The following B3GAT2 variants were observed in gnomAD, a reference collection of about 807,000 sequenced individuals.
B3GAT2 encodes the protein galactosylgalactosylxylosylprotein 3-beta-glucuronosyltransferase 2.
Under a neutral mutation model 27.8 loss-of-function variants are expected in B3GAT2, and 26 were observed. That is an observed-to-expected ratio of 0.93 (90% CI 0.68 to 1.30). B3GAT2 has a LOEUF of 1.30. Among genes scored for constraint, B3GAT2 ranks in the 50% most tolerant of loss-of-function variants. The pLI is 0.00. For missense variants in B3GAT2, 458 were observed against 459.0 expected (o/e 1.00, Z 0.02); for synonymous variants, 218 against 195.1 (o/e 1.12, Z -0.98).
chr6:70,956,651 G>A lies in B3GAT2; in HGVS notation c.-222C>T. 2 of 1,401,180 alleles carry A rather than the reference G, an allele frequency of 1.4e-6. No individual in the cohort carries two copies. The highest frequency in any genetic ancestry group is 1.8e-6 in the Non-Finnish European group (2 of 1,081,834). 86.8% of individuals were successfully genotyped at this position (1,401,180 alleles called of 1,614,324 possible). On this transcript the variant is annotated 5_prime_UTR_variant, in exon 1 of 4. Coordinates refer to ENST00000230053, the MANE Select transcript of B3GAT2 (RefSeq NM_080742.3). ...CTAGAGCGACAAGGGGTGCAGGCGG[G>A]CGGGCAGGGGCTGCCCCCGACTCCA...
chr6:70,920,650 T>C (rs192450866), intron 1 of B3GAT2, among the ~76,000 whole-genome samples: 25 of 152,348 alleles, frequency 1.6e-4, no homozygotes, highest in East Asian at 3.9e-4. Flanking sequence ...ATAATACTTA[T>C]ATGTGTTGAT....
intron 1 of B3GAT2, among the ~76,000 whole-genome samples, chr6:70,921,293 G>A (rs1016784009): frequency 6.6e-6 from 1 of 151,842 alleles, no homozygotes; most frequent in African/African-American, 2.4e-5. Context: ...TTAATTATTT[G>A]TTCATTATTT....
At chr6:70,918,267 A>G (rs1772808126) in intron 1 of B3GAT2, among the ~76,000 whole-genome samples, 1 of 152,044 alleles carries the variant, frequency 6.6e-6, no homozygotes, top group African/African-American at 2.4e-5. Context: ...ATCTTCTTCC[A>G]TCACTTTATT....
chr6:70,948,564 G>T (rs1409726160), intron 1 of B3GAT2, among the ~76,000 whole-genome samples: 2 of 151,466 alleles, frequency 1.3e-5, no homozygotes, highest in African/African-American at 4.9e-5. Context: ...ACAAACCACT[G>T]CTCAATGAAA....
At chr6:70,935,428 T>C (rs1765250363) in intron 1 of B3GAT2, among the ~76,000 whole-genome samples, 1 of 151,786 alleles carries the variant, frequency 6.6e-6, no homozygotes, top group African/African-American at 2.4e-5. Context: ...CACTCCAGTC[T>C]GGGCAACAGA....
At chr6:70,866,861 A>G (rs1055151051) in intron 2 of B3GAT2, among the ~76,000 whole-genome samples, 6 of 152,240 alleles carry the variant, frequency 3.9e-5, no homozygotes, top group Non-Finnish European at 7.3e-5. Flanking sequence ...ACAGCAGAAT[A>G]CAATCTTTTA....
intron 2 of B3GAT2, among the ~76,000 whole-genome samples, chr6:70,882,542 T>C (rs1387834903): frequency 6.6e-6 from 1 of 152,040 alleles, no homozygotes; most frequent in Non-Finnish European, 1.5e-5. Flanking sequence ...ATAGATAAAC[T>C]AGACTTCTTC....
At chr6:70,940,363 G>A (rs1230189608) in intron 1 of B3GAT2, among the ~76,000 whole-genome samples, 2 of 152,120 alleles carry the variant, frequency 1.3e-5, no homozygotes, top group African/African-American at 4.8e-5. Flanking sequence ...GCTGGGAGAA[G>A]GGTGGACACA....
At chr6:70,918,582 C>G (rs1403177427) in intron 1 of B3GAT2, among the ~76,000 whole-genome samples, 2 of 152,312 alleles carry the variant, frequency 1.3e-5, no homozygotes, top group African/African-American at 4.8e-5. Flanking sequence ...TTTTGTAAGG[C>G]AGGCCTGGTG....
intron 1 of B3GAT2, among the ~76,000 whole-genome samples, chr6:70,905,668 T>C (rs1394252711): frequency 6.6e-6 from 1 of 152,206 alleles, no homozygotes; most frequent in African/African-American, 2.4e-5. Context: ...AGAAGGTTTG[T>C]GTAGCTGTAT....
At position 70,921,357 on chromosome 6, in the gene B3GAT2, G is replaced by C. The variant is rs557522930; in HGVS notation, c.592-27085C>G. Among the ~76,000 whole-genome samples the C allele has an allele frequency of 8.5e-5, 13 of 152,268 alleles. No homozygotes were observed. In the South Asian group the frequency reaches 2.3e-3, roughly 27 times the overall value. On this transcript the variant is annotated intron_variant, in intron 1 of 3. Transcript: ENST00000230053. ...TTCAAGCTCTGAGATTCTTTCCTCA[G>C]CTTGGTCTATTCTGATGTTAGTAGT...
intron 1 of B3GAT2, among the ~76,000 whole-genome samples, chr6:70,932,804 T>C (rs1773080821): frequency 6.6e-6 from 1 of 152,192 alleles, no homozygotes; most frequent in African/African-American, 2.4e-5. Flanking sequence ...CATGAACTTT[T>C]TTCTTTTTCT....
At chr6:70,878,390 G>A (rs1028565314) in intron 2 of B3GAT2, among the ~76,000 whole-genome samples, 3 of 152,066 alleles carry the variant, frequency 2.0e-5, no homozygotes, top group Non-Finnish European at 2.9e-5. Context: ...CATAGTTTCC[G>A]TCAATACAAA....
At chr6:70,933,671 TAAAAC>T (rs1157016168) in intron 1 of B3GAT2, among the ~76,000 whole-genome samples, 2 of 152,186 alleles carry the variant, frequency 1.3e-5, no homozygotes, top group African/African-American at 4.8e-5. Context: ...TATTTAGATG[TAAAAC>T]AACACGTCCA....
At chr6:70,949,379 C>T (rs568295716) in intron 1 of B3GAT2, among the ~76,000 whole-genome samples, 1 of 152,328 alleles carries the variant, frequency 6.6e-6, no homozygotes, top group East Asian at 1.9e-4. Flanking sequence ...ACAACCCCAT[C>T]AACAAGTGGG....
intron 2 of B3GAT2, among the ~76,000 whole-genome samples, chr6:70,873,043 T>C (rs572624316): frequency 1.3e-5 from 2 of 152,226 alleles, no homozygotes; most frequent in South Asian, 4.1e-4. Context: ...CAAACCAGAT[T>C]TCTGATGACT....
intron 1 of B3GAT2, among the ~76,000 whole-genome samples, chr6:70,941,406 C>T (rs1582396343): frequency 6.6e-6 from 1 of 152,280 alleles, no homozygotes; most frequent in Admixed American, 6.5e-5. Context: ...AAACACTAAG[C>T]AGTGAAGCTG....
At chr6:70,939,945 C>A (rs1290850922) in intron 1 of B3GAT2, among the ~76,000 whole-genome samples, 1 of 151,796 alleles carries the variant, frequency 6.6e-6, no homozygotes, top group South Asian at 2.1e-4. Context: ...TAAAAAATAT[C>A]CCAGAGGGTT....
At chr6:70,953,172 A>T (rs894458289) in intron 1 of B3GAT2, among the ~76,000 whole-genome samples, 2 of 152,222 alleles carry the variant, frequency 1.3e-5, no homozygotes, top group African/African-American at 2.4e-5. Flanking sequence ...GCTGAGATAT[A>T]TGCCTCAGCC....
Sources: gnomAD v4.1 joint callset for allele counts (sites outside exome capture counted in the v4.1 genomes callset) on GRCh38, gnomAD v4.1.1 for gene constraint, MANE v1.5 for transcripts, NCBI Gene and HGNC (gene_info 2026-07-23, HGNC 2026-07-21) for gene names.